The following CNBD1 variants were observed in gnomAD, a reference collection of about 807,000 sequenced individuals.
CNBD1 encodes the protein cyclic nucleotide-binding domain-containing protein 1.
In CNBD1, 71 loss-of-function variants were observed where a neutral mutation model predicts 54.4. That is an observed-to-expected ratio of 1.30 (90% CI 1.08 to 1.59). The LOEUF (loss-of-function observed/expected upper bound fraction) is 1.59. CNBD1 is among the 40% of genes most tolerant of loss of function. CNBD1 has a pLI of 0.00. For missense variants in CNBD1, 659 were observed against 518.0 expected (o/e 1.27, Z -2.64); for synonymous variants, 182 against 170.7 (o/e 1.07, Z -0.51).
chr8:87,378,399 A>G (rs1220634848), intron 10 of CNBD1, among the ~76,000 whole-genome samples: 2 of 150,394 alleles, frequency 1.3e-5, no homozygotes, highest in Non-Finnish European at 2.9e-5. Context: ...AGCACCATTT[A>G]TTAAATAGGG....
At position 87,322,423 on chromosome 8, in the gene CNBD1, G is replaced by C. The variant is rs1006799892; in HGVS notation, c.1043-29262G>C. On this transcript the variant is annotated intron_variant, in intron 8 of 10. Transcript: ENST00000518476. ...GAACTAGTTTACAGTCCCACCAACA[G>C]TGTAAAAGTGTTCCTATTTCTCCAC... Among the ~76,000 whole-genome samples the C allele has an allele frequency of 3.3e-5, 4 of 120,014 alleles. 1 individual carries two copies. Among genetic ancestry groups the C allele is most frequent in the African/African-American group, 1.3e-4 (4 of 31,828 alleles). 78.7% of individuals were successfully genotyped at this position (120,014 alleles called of 152,430 possible).
chr8:87,303,708 A>C (rs1157452627), intron 8 of CNBD1, among the ~76,000 whole-genome samples: 21 of 149,170 alleles, frequency 1.4e-4, no homozygotes, highest in African/African-American at 5.3e-4. Flanking sequence ...CAACCTACAG[A>C]ATGGGAGAAA....
rs1361288924 is a variant in CNBD1, at chr8:87,370,934, C to G, written c.1304-11686C>G. On this transcript the variant is annotated intron_variant, in intron 10 of 10. Coordinates refer to ENST00000518476, the MANE Select transcript of CNBD1 (RefSeq NM_173538.3). ...GTATAAGGAAGGGATCCAGTTTCAG[C>G]TTTCTACATATGGCTAGCCAGTTTT... 6.0e-4 allele frequency among the ~76,000 whole-genome samples: 91 copies of G among 151,142 alleles called. 3 individuals are homozygous for G. The East Asian group carries it at 0.017, about 27-fold the overall frequency.
intron 4 of CNBD1, among the ~76,000 whole-genome samples, chr8:87,179,231 G>C (rs1311360661): frequency 6.6e-6 from 1 of 152,138 alleles, no homozygotes; most frequent in African/African-American, 2.4e-5. Context: ...GTAAAAATAT[G>C]CAGGAAACTT....
chr8:87,015,376 A>G (rs985112047), intron 4 of CNBD1, among the ~76,000 whole-genome samples: 2 of 151,976 alleles, frequency 1.3e-5, no homozygotes, highest in African/African-American at 4.8e-5. Flanking sequence ...TAGTAGAGAC[A>G]GGGTTTCATC....
chr8:86,990,154 T>C lies in CNBD1; in HGVS notation c.431+50400T>C, dbSNP rs539569552. Among the ~76,000 whole-genome samples the C allele has an allele frequency of 3.3e-5, 5 of 152,268 alleles. No individual in the cohort carries two copies. The East Asian group carries it at 9.7e-4, about 29-fold the overall frequency. On this transcript the variant is annotated intron_variant, in intron 4 of 10. Transcript: ENST00000518476. Reference sequence around the variant, plus strand: ...TTTTATTCCATTCTGTGGGTTGTCTTTTCACTTTGCTGATTGTTTCCTTTG... The same window carrying C: ...TTTTATTCCATTCTGTGGGTTGTCTCTTCACTTTGCTGATTGTTTCCTTTG...
chr8:86,874,331 T>G (rs1808484105), intron 1 of CNBD1, among the ~76,000 whole-genome samples: 1 of 152,224 alleles, frequency 6.6e-6, no homozygotes, highest in East Asian at 1.9e-4. Context: ...GTTTGTTTGA[T>G]ATTTCCTCAT....
At chr8:86,991,617 A>G (rs113822030) in intron 4 of CNBD1, among the ~76,000 whole-genome samples, 1,925 of 152,136 alleles carry the variant, frequency 0.013, 30 homozygotes, top group African/African-American at 0.037. Flanking sequence ...TTAGATTGTT[A>G]CTTTGCAATC....
At chr8:87,230,876 T>C (rs1295260442) in intron 5 of CNBD1, among the ~76,000 whole-genome samples, 1 of 152,240 alleles carries the variant, frequency 6.6e-6, no homozygotes, top group Non-Finnish European at 1.5e-5. Flanking sequence ...TTCTATTTTA[T>C]GGAGAATATC....
At chr8:87,329,141 G>A (rs1314402526) in intron 8 of CNBD1, among the ~76,000 whole-genome samples, 1 of 152,022 alleles carries the variant, frequency 6.6e-6, no homozygotes, top group East Asian at 1.9e-4. Flanking sequence ...TTTTGCATGT[G>A]GATGTGCAGT....
intron 4 of CNBD1, among the ~76,000 whole-genome samples, chr8:87,154,113 T>G (rs1311186674): frequency 6.6e-6 from 1 of 152,112 alleles, no homozygotes; most frequent in Admixed American, 6.6e-5. Context: ...CTTTCTAGGA[T>G]TATTTATCAA....
At chr8:87,271,387 A>G (rs762025335) in intron 6 of CNBD1, among the ~76,000 whole-genome samples, 1 of 151,884 alleles carries the variant, frequency 6.6e-6, no homozygotes, top group Non-Finnish European at 1.5e-5. Flanking sequence ...ATTTACTTCT[A>G]TGAACTTATC....
intron 10 of CNBD1, among the ~76,000 whole-genome samples, chr8:87,376,734 C>A (rs925335874): frequency 9.2e-5 from 14 of 151,844 alleles, no homozygotes; most frequent in African/African-American, 1.9e-4. Flanking sequence ...GTTTATTAAA[C>A]CCATTTTATA....
intron 10 of CNBD1, among the ~76,000 whole-genome samples, chr8:87,373,215 A>T (rs1810855883): frequency 6.6e-6 from 1 of 151,816 alleles, no homozygotes; most frequent in Non-Finnish European, 1.5e-5. Context: ...ACTTTTCTGC[A>T]AATGATGATT....
intron 4 of CNBD1, among the ~76,000 whole-genome samples, chr8:87,010,568 T>G (rs1809196715): frequency 6.6e-6 from 1 of 152,036 alleles, no homozygotes; most frequent in African/African-American, 2.4e-5. Flanking sequence ...GCCAACATGG[T>G]GAAACCCTAT....
chr8:87,250,352 G>A (rs1345655829), intron 6 of CNBD1, among the ~76,000 whole-genome samples: 1 of 152,170 alleles, frequency 6.6e-6, no homozygotes, highest in Non-Finnish European at 1.5e-5. Flanking sequence ...GGAAAAAGGG[G>A]AACTCTTGTA....
chr8:87,362,709 A>C (rs1810548122), intron 10 of CNBD1, among the ~76,000 whole-genome samples: 1 of 152,084 alleles, frequency 6.6e-6, no homozygotes, highest in African/African-American at 2.4e-5. Flanking sequence ...CCAGGCAGCC[A>C]TTCGAACCCT....
chr8:87,141,529 TC>T (rs1812369587), intron 4 of CNBD1, among the ~76,000 whole-genome samples: 1 of 152,104 alleles, frequency 6.6e-6, no homozygotes, highest in Non-Finnish European at 1.5e-5. Context: ...CAGCTGTTTT[TC>T]CAACCATTTT....
intron 4 of CNBD1, among the ~76,000 whole-genome samples, chr8:87,100,861 CA>C (rs1453538758): frequency 6.6e-6 from 1 of 152,142 alleles, no homozygotes; most frequent in East Asian, 1.9e-4. Flanking sequence ...GGGAAGTTTA[CA>C]GAGGGAACGG....
Sources: allele counts gnomAD v4.1 joint callset (sites outside exome capture counted in the v4.1 genomes callset), GRCh38; gene constraint gnomAD v4.1.1; transcripts MANE v1.5; gene names NCBI Gene and HGNC (gene_info 2026-07-23, HGNC 2026-07-21).